ZNF605: variants seen among roughly 807,000 people sequenced by gnomAD.
The protein encoded by ZNF605 is zinc finger protein 605.
In ZNF605, 9 loss-of-function variants were observed where a neutral mutation model predicts 7.9. The ratio of observed to expected loss-of-function variants is 1.14; its 90% confidence interval spans 0.68 to 1.98. The LOEUF is 1.98. Among genes scored for constraint, ZNF605 ranks in the 30% most tolerant of loss-of-function variants. The pLI is 0.00. For synonymous variants in ZNF605, 255 were observed against 260.1 expected (o/e 0.98, Z 0.19); for missense variants, 673 against 762.4 (o/e 0.88, Z 1.38).
chr12:132,923,619 G>C lies in ZNF605; in HGVS notation c.*1754C>G, dbSNP rs1952222109. The C allele has an allele frequency of 6.6e-6, 1 of 152,084 alleles. No homozygotes were observed. The highest frequency in any genetic ancestry group is 2.4e-5 in the African/African-American group (1 of 41,416). The allele number at this position is 152,084 out of a possible 1,614,324, so 9.4% of individuals were successfully genotyped here. A position where few individuals can be genotyped will look rare whatever the true frequency, so the allele number is the denominator to read the frequency against. On this transcript the variant is annotated 3_prime_UTR_variant, in exon 5 of 5. Transcript: ENST00000360187. ...TCTCAAGGTGTTTTAAAAGTATTCT[G>C]TTTATCAGTGCTTTTCATGAATGTG...
In ZNF605 at chr12:132,925,606, C is replaced by A; in HGVS notation, c.1693G>T (p.Asp565Tyr). 1 of 1,614,140 alleles carries A rather than the reference C, an allele frequency of 6.2e-7. No homozygotes were observed. Among genetic ancestry groups the A allele is most frequent in the African/African-American group, 1.3e-5 (1 of 75,050 alleles). ...TTCTCAAAGAAAGCTTTTGCACAAT[C>A]GCTGCATCCATAGGTTTTCTCTCCT... ...HTGEKTYGCS[D>Y]CAKAFFEKAQ... Residue 565 changes from aspartate (D) to tyrosine (Y), a missense_variant, in exon 5 of 5, where the codon GAT becomes TAT. Asp to Tyr is a radical substitution (Grantham distance 160). Transcript: ENST00000360187.
In ZNF605 at chr12:132,942,363, C is replaced by T. The variant is rs983435493; in HGVS notation, c.15+3258G>A. On this transcript the variant is annotated intron_variant, in intron 3 of 4. Coordinates refer to ENST00000360187, the MANE Select transcript of ZNF605 (RefSeq NM_183238.4). ...TGCTGAGCCCACACCTCGGCTTCCT[C>T]ACGGTGCTGACGAGGAGAGGCAGAG... Among the ~76,000 whole-genome samples the T allele has an allele frequency of 2.0e-5, 3 of 152,220 alleles. No individual in the cohort carries two copies. In the South Asian group the frequency reaches 6.2e-4, roughly 31 times the overall value.
chr12:132,930,325 T>C (rs992877376), intron 4 of ZNF605, among the ~76,000 whole-genome samples: 30 of 152,358 alleles, frequency 2.0e-4, no homozygotes, highest in African/African-American at 6.7e-4. Flanking sequence ...TGAGCCACCA[T>C]GTCACGCCCA....
In ZNF605 at chr12:132,926,073, A is replaced by T; in HGVS notation, c.1226T>A (p.Ile409Lys). Residue 409 changes from isoleucine (I) to lysine (K), a missense_variant, in exon 5 of 5, where the codon ATA becomes AAA. Transcript: ENST00000360187. Reference protein sequence around the residue: ...EEAFFKKSELIRHQKIHLGEK... With the variant: ...EEAFFKKSELKRHQKIHLGEK... ...TCCTAAGTGAATTTTTTGATGTCTT[A>T]TTAACTCTGACTTCTTAAAGAAGGC... 1 of 1,614,216 alleles carries T rather than the reference A, an allele frequency of 6.2e-7. No homozygotes were observed. Among genetic ancestry groups the T allele is most frequent in the Non-Finnish European group, 8.5e-7 (1 of 1,180,030 alleles).
At chr12:132,934,061 A>G (rs1254219250) in intron 3 of ZNF605, among the ~76,000 whole-genome samples, 1 of 151,898 alleles carries the variant, frequency 6.6e-6, no homozygotes, top group African/African-American at 2.4e-5. Flanking sequence ...ATTCAAGACC[A>G]GCCTGGCCAA....
At chr12:132,948,111 C>G (rs1018412810) in intron 2 of ZNF605, 37 bp downstream of exon 2, 5 of 152,262 alleles carry the variant, frequency 3.3e-5, no homozygotes, top group Non-Finnish European at 7.4e-5. Context: ...ATAATGAACT[C>G]AAAAAGCACC....
In ZNF605 at chr12:132,918,853, T is replaced by G. The variant is rs181478142; in HGVS notation, c.*6520A>C. The G allele has an allele frequency of 1.4e-4, 22 of 152,566 alleles. No homozygotes were observed. Among genetic ancestry groups the G allele is most frequent in the African/African-American group, 5.3e-4 (22 of 41,602 alleles). 9.5% of individuals were successfully genotyped at this position (152,566 alleles called of 1,614,324 possible). A position where few individuals can be genotyped will look rare whatever the true frequency, so the allele number is the denominator to read the frequency against. ...CACCCACCTTGGCCTCCCAAAGTGC[T>G]GGGATGACAGGCGTGAGCCATCGCA... On this transcript the variant is annotated 3_prime_UTR_variant, in exon 5 of 5. Transcript: ENST00000360187.
chr12:132,930,757 G>A (rs1952300008), intron 4 of ZNF605, among the ~76,000 whole-genome samples: 1 of 152,124 alleles, frequency 6.6e-6, no homozygotes, highest in African/African-American at 2.4e-5. Context: ...TAAATTAATA[G>A]GGGAATATAA....
chr12:132,937,924 T>C (rs950118271), intron 3 of ZNF605, among the ~76,000 whole-genome samples: 17 of 152,194 alleles, frequency 1.1e-4, no homozygotes, highest in Non-Finnish European at 2.4e-4. Flanking sequence ...ATCTCAAAGG[T>C]ATGCTAAGTG....
intron 3 of ZNF605, among the ~76,000 whole-genome samples, chr12:132,944,557 G>A (rs746773419): frequency 0.014 from 2,162 of 152,246 alleles, 21 homozygotes; most frequent in Middle Eastern, 0.031. Flanking sequence ...TGAAGGTTTC[G>A]TAATGATCAA....
rs115537591 is a variant in ZNF605 at position 132,921,619 on chromosome 12, C to T, written c.*3754G>A. 1.1e-3 allele frequency: 173 copies of T among 152,322 alleles called. No individual in the cohort carries two copies. Among genetic ancestry groups the T allele is most frequent in the African/African-American group, 4.0e-3 (166 of 41,560 alleles). The allele number at this position is 152,322 out of a possible 1,614,324, so 9.4% of individuals were successfully genotyped here. On this transcript the variant is annotated 3_prime_UTR_variant, in exon 5 of 5. Transcript: ENST00000360187. ...TAAAAGATCAGAGCAGAGTGATACA[C>T]AAGTTTATTAACACAGACTACAACG... is the stretch of plus-strand genomic sequence containing the variant.
intron 4 of ZNF605, among the ~76,000 whole-genome samples, chr12:132,929,682 C>A (rs1313218522): frequency 6.6e-6 from 1 of 152,104 alleles, no homozygotes; most frequent in Non-Finnish European, 1.5e-5. Context: ...TGCGGTGGCT[C>A]ACGTCTGTAA....
chr12:132,927,222 A>G, intron 4 of ZNF605, 60 bp from the exon 5 acceptor site: 1 of 1,276,930 alleles, frequency 7.8e-7, no homozygotes, highest in African/African-American at 1.5e-5. Context: ...TGCTTATTGC[A>G]TAAAGCTTCT....
In ZNF605 at chr12:132,951,196, ACACT is replaced by A. The variant is rs369353109; in HGVS notation, c.-285-2930_-285-2927del. Among the ~76,000 whole-genome samples, 945 of 151,956 alleles carry A rather than the reference ACACT, an allele frequency of 6.2e-3. 11 individuals are homozygous for A. Among genetic ancestry groups the A allele is most frequent in the African/African-American group, 0.021 (878 of 41,286 alleles). ...CAGACGTACACACAGACATGCACAC[ACACT>A]CAGACACACTGATACACATGTACAT... On this transcript the variant is annotated intron_variant, in intron 1 of 4. Transcript: ENST00000360187.
Position 132,921,520 on chromosome 12 carries a change from T to C in ZNF605, c.*3853A>G, listed in dbSNP as rs968235521. Reference sequence around the variant, plus strand: ...TTACAGCACAATTAGGAAGAGACAATCACAACTCACACAATGCTATATTCA... The same window carrying C: ...TTACAGCACAATTAGGAAGAGACAACCACAACTCACACAATGCTATATTCA... On this transcript the variant is annotated 3_prime_UTR_variant, in exon 5 of 5. Transcript: ENST00000360187. 4 of 152,132 alleles carry C rather than the reference T, an allele frequency of 2.6e-5. No individual in the cohort carries two copies. The highest frequency in any genetic ancestry group is 9.7e-5 in the African/African-American group (4 of 41,412). The allele number at this position is 152,132 out of a possible 1,614,324, so 9.4% of individuals were successfully genotyped here.
chr12:132,946,973 C>T (rs1593600271), intron 2 of ZNF605, among the ~76,000 whole-genome samples: 1 of 151,824 alleles, frequency 6.6e-6, no homozygotes, highest in East Asian at 1.9e-4. Context: ...CCTAATTTTC[C>T]CTCATGCAAA....
Position 132,933,274 on chromosome 12 carries a change from T to G in ZNF605, c.16-119A>C, listed in dbSNP as rs367889876. ...TGGCCCCAGTGACCTCTGACTCCGG[T>G]ATTCATGCTTTTGCATAATCCTCCC... is the stretch of plus-strand genomic sequence containing the variant. On this transcript the variant is annotated intron_variant, in intron 3 of 4. Transcript: ENST00000360187. The surrounding 1 kb of genome is among the most constrained non-coding windows in gnomAD (Gnocchi z 4.4). 6,444 of 1,162,508 alleles carry G rather than the reference T, an allele frequency of 5.5e-3. 238 individuals carry two copies. The African/African-American group carries it at 0.085, about 15-fold the overall frequency. 72.0% of individuals were successfully genotyped at this position (1,162,508 alleles called of 1,614,324 possible).
At position 132,933,709 on chromosome 12, in the gene ZNF605, TAATATAATA is replaced by T. The variant is rs1363168969; in HGVS notation, c.16-563_16-555del. Among the ~76,000 whole-genome samples, 1 of 152,240 alleles carries T rather than the reference TAATATAATA, an allele frequency of 6.6e-6. No individual in the cohort carries two copies. Among genetic ancestry groups the T allele is most frequent in the African/African-American group, 2.4e-5 (1 of 41,468 alleles). On this transcript the variant is annotated intron_variant, in intron 3 of 4. Transcript: ENST00000360187. This position sits in a 1 kb window ranked among gnomAD's most constrained non-coding sequence, Gnocchi z 4.4. ...ACAATAATGAATAACCAATATAATCTAATATAATAAATATAATAATCTTGCATTATGCCT... is the reference window on the plus strand; with the variant it reads ...ACAATAATGAATAACCAATATAATCTAATATAATAATCTTGCATTATGCCT...
intron 4 of ZNF605, among the ~76,000 whole-genome samples, chr12:132,929,036 AAACAAAAC>A (rs1365629422): frequency 2.9e-4 from 4 of 13,640 alleles, no homozygotes; most frequent in Non-Finnish European, 1.2e-3. Flanking sequence ...AAACAAAACA[AAACAAAAC>A]AAAAAAACCC....
Sources: gnomAD v4.1 joint callset for allele counts (sites outside exome capture counted in the v4.1 genomes callset) on GRCh38, gnomAD v4.1.1 for gene constraint, Gnocchi (gnomAD v3.1) non-coding constraint, MANE v1.5 for transcripts, NCBI Gene and HGNC (gene_info 2026-07-23, HGNC 2026-07-21) for gene names.